HIBCH: variants seen among roughly 807,000 people sequenced by gnomAD.
The protein encoded by HIBCH is 3-hydroxyisobutyryl-CoA hydrolase, mitochondrial.
In HIBCH, 50 loss-of-function variants were observed where a neutral mutation model predicts 58.2. The observed-to-expected ratio is 0.86, with a 90% CI of 0.68 to 1.09. HIBCH has a LOEUF of 1.09. Among genes scored for constraint, HIBCH ranks in the 50% least tolerant of loss-of-function variants. HIBCH has a pLI of 0.00. For missense variants in HIBCH, 450 were observed against 449.7 expected (o/e 1.00, Z -0.01); for synonymous variants, 151 against 146.9 (o/e 1.03, Z -0.20).
At chr2:190,301,388 G>C (rs1248222641) in intron 2 of HIBCH, among the ~76,000 whole-genome samples, 1 of 152,204 alleles carries the variant, frequency 6.6e-6, no homozygotes, top group Non-Finnish European at 1.5e-5. Context: ...AAGGACCTTA[G>C]TGTTTGTCAA....
At chr2:190,292,892 TA>T (rs1687993427) in intron 4 of HIBCH, among the ~76,000 whole-genome samples, 1 of 152,226 alleles carries the variant, frequency 6.6e-6, no homozygotes, top group South Asian at 2.1e-4. Flanking sequence ...AAATTAAAAT[TA>T]AATGTCCTTC....
intron 7 of HIBCH, among the ~76,000 whole-genome samples, chr2:190,252,676 G>GA (rs150849416): frequency 4.0e-5 from 6 of 149,332 alleles, no homozygotes; most frequent in Non-Finnish European, 5.9e-5. Context: ...ATCAGCACAG[G>GA]AAAAAAAAAT....
intron 1 of HIBCH, among the ~76,000 whole-genome samples, chr2:190,314,049 T>C (rs1158089899): frequency 2.0e-5 from 3 of 151,958 alleles, no homozygotes; most frequent in Non-Finnish European, 2.9e-5. Flanking sequence ...AGGTTCAAGG[T>C]TCAAGAGGGT....
intron 7 of HIBCH, among the ~76,000 whole-genome samples, chr2:190,259,156 G>C (rs892858395): frequency 6.6e-6 from 1 of 152,112 alleles, no homozygotes; most frequent in African/African-American, 2.4e-5. Context: ...TTTGAAAACT[G>C]ACATTGGGAT....
Position 190,249,661 on chromosome 2 carries a change from G to C in HIBCH, c.729C>G (p.Val243=), listed in dbSNP as rs1686707865. Residue 243 remains valine, a synonymous_variant, in exon 9 of 14, where the codon GTC becomes GTG. Transcript: ENST00000359678. ...KSPSKENIAS[V]LENYHTESKI... is the part of the protein sequence containing the mutation. ...TTACCTCTGTATGGTAATTTTCTAA[G>C]ACAGATGCAATATTTTCTTTTGAAG... 6.2e-7 allele frequency: 1 copy of C among 1,600,018 alleles called. No homozygotes were observed. The highest frequency in any genetic ancestry group is 8.6e-7 in the Non-Finnish European group (1 of 1,167,668).
intron 1 of HIBCH, among the ~76,000 whole-genome samples, chr2:190,190,212 C>G (rs1472052819): frequency 6.6e-6 from 1 of 152,096 alleles, no homozygotes; most frequent in Non-Finnish European, 1.5e-5. Context: ...ATTTCAGGGC[C>G]TCTTCCAAAC....
intron 5 of HIBCH, among the ~76,000 whole-genome samples, chr2:190,288,752 C>T (rs1687890934): frequency 1.3e-5 from 2 of 152,064 alleles, no homozygotes; most frequent in Non-Finnish European, 2.9e-5. Flanking sequence ...TAAAAAGCAG[C>T]GGCCTCTATT....
chr2:190,194,897 G>C (rs775684829), intron 1 of HIBCH, among the ~76,000 whole-genome samples: 1 of 152,118 alleles, frequency 6.6e-6, no homozygotes, highest in Non-Finnish European at 1.5e-5. Flanking sequence ...CAGTCACCCA[G>C]GCTGGAGTGC....
intron 1 of HIBCH, among the ~76,000 whole-genome samples, chr2:190,314,399 A>G (rs1688660084): frequency 8.1e-5 from 12 of 147,478 alleles, no homozygotes; most frequent in Admixed American, 1.4e-4. Context: ...ATGTATATAT[A>G]TACGTATATA....
At chr2:190,263,839 C>T (rs1158522142) in intron 6 of HIBCH, among the ~76,000 whole-genome samples, 1 of 152,032 alleles carries the variant, frequency 6.6e-6, no homozygotes, top group East Asian at 1.9e-4. Flanking sequence ...CCTGAGAGCT[C>T]TAACTTAAAA....
At chr2:190,238,978 T>G (rs915465734) in intron 11 of HIBCH, among the ~76,000 whole-genome samples, 31 of 152,326 alleles carry the variant, frequency 2.0e-4, no homozygotes, top group African/African-American at 7.5e-4. Flanking sequence ...AATTAGATCC[T>G]ATTTCTCAAT....
intron 6 of HIBCH, among the ~76,000 whole-genome samples, chr2:190,263,924 A>G (rs1687161772): frequency 6.6e-6 from 1 of 151,890 alleles, no homozygotes; most frequent in Non-Finnish European, 1.5e-5. Flanking sequence ...AACTATCCTG[A>G]GAGCTCTAAC....
At chr2:190,294,371 A>C (rs1688050009) in intron 4 of HIBCH, among the ~76,000 whole-genome samples, 175 bp downstream of exon 4, 1 of 152,190 alleles carries the variant, frequency 6.6e-6, no homozygotes, top group African/African-American at 2.4e-5. Context: ...TCATTTGCTA[A>C]TACTAACTGC....
At chr2:190,220,417 G>C (rs1489794307) in intron 11 of HIBCH, 2 of 152,112 alleles carry the variant, frequency 1.3e-5, no homozygotes, top group African/African-American at 4.8e-5. Flanking sequence ...CCAGAGCTTT[G>C]AACAGATGAC....
intron 2 of HIBCH, among the ~76,000 whole-genome samples, chr2:190,309,163 TAC>T (rs1274040545): frequency 3.9e-5 from 6 of 152,214 alleles, no homozygotes; most frequent in African/African-American, 1.2e-4. Flanking sequence ...CATAAGTGTT[TAC>T]ACTAGTTAGG....
chr2:190,293,461 AAAATAAAT>A (rs1172594852), intron 4 of HIBCH, among the ~76,000 whole-genome samples: 3 of 65,078 alleles, frequency 4.6e-5, no homozygotes, highest in African/African-American at 1.4e-4. Context: ...CTCAAAAAAA[AAAATAAAT>A]AAATAAATAA....
intron 4 of HIBCH, among the ~76,000 whole-genome samples, 190 bp downstream of exon 4, chr2:190,294,356 T>C (rs1688049738): frequency 6.6e-6 from 1 of 152,176 alleles, no homozygotes. Context: ...AAAAATCTGC[T>C]ATTCTCATTT....
At position 190,315,580 on chromosome 2, in the gene HIBCH, C is replaced by T. The variant is rs532985033; in HGVS notation, c.35+4136G>A. On this transcript the variant is annotated intron_variant, in intron 1 of 13. Transcript: ENST00000359678. The surrounding 1 kb of genome is among the most constrained non-coding windows in gnomAD (Gnocchi z 5.4). ...ACAAACATGGCCTCACGAAATTAAA[C>T]AACTACATGAAACTGCTTAAGCAGG... 1.1e-4 allele frequency among the ~76,000 whole-genome samples: 16 copies of T among 152,298 alleles called. No individual in the cohort carries two copies. The highest frequency in any genetic ancestry group is 3.1e-4 in the African/African-American group (13 of 41,564).
chr2:190,268,451 G>A lies in HIBCH; in HGVS notation c.439-7217C>T, dbSNP rs564448847. 1.3e-4 allele frequency among the ~76,000 whole-genome samples: 20 copies of A among 152,274 alleles called. No homozygotes were observed. In the South Asian group the frequency reaches 3.9e-3, roughly 30 times the overall value. ...GTGAATGTAGTCAAACTCCTACTCT[G>A]TCACTGTAAAAATGACTTCCTATTT... On this transcript the variant is annotated intron_variant, in intron 6 of 13. Transcript: ENST00000359678.
Sources: gnomAD v4.1 joint callset for allele counts (sites outside exome capture counted in the v4.1 genomes callset) on GRCh38, gnomAD v4.1.1 for gene constraint, Gnocchi (gnomAD v3.1) non-coding constraint, MANE v1.5 for transcripts, NCBI Gene and HGNC (gene_info 2026-07-23, HGNC 2026-07-21) for gene names.